Variants in ADCY9 observed in about 807,000 individuals in gnomAD.
ADCY9 encodes adenylate cyclase type 9.
In ADCY9, 50 loss-of-function variants were observed where a neutral mutation model predicts 101.5. That is an observed-to-expected ratio of 0.49 (90% confidence interval 0.39 to 0.62). The LOEUF (loss-of-function observed/expected upper bound fraction) is 0.62. Ranked by LOEUF, ADCY9 falls within the 20% of genes least tolerant of loss-of-function variation. The probability of loss-of-function intolerance (pLI) is 0.00; values close to 1 mark genes in which losing one functional copy is unlikely to be tolerated. For missense variants in ADCY9, 1,662 were observed against 1,800.4 expected (o/e 0.92, Z 1.39); for synonymous variants, 905 against 769.3 (o/e 1.18, Z -2.92).
intron 2 of ADCY9, among the ~76,000 whole-genome samples, chr16:4,042,450 T>A (rs892302932): frequency 1.3e-5 from 2 of 152,188 alleles, no homozygotes; most frequent in African/African-American, 4.8e-5. Context: ...CAAAATGAAT[T>A]CTTAGGATAT....
At chr16:3,974,577 A>G in intron 10 of ADCY9, 92 bp downstream of exon 10, 2 of 1,037,222 alleles carry the variant, frequency 1.9e-6, no homozygotes, top group Non-Finnish European at 3.0e-6. Flanking sequence ...CCTTTTATTC[A>G]AGATCCCATT....
At chr16:4,038,687 A>C (rs1265342624) in intron 2 of ADCY9, among the ~76,000 whole-genome samples, 1 of 151,894 alleles carries the variant, frequency 6.6e-6, no homozygotes, top group Non-Finnish European at 1.5e-5. Context: ...TCATCCTCAC[A>C]ACCCTGTTTC....
intron 2 of ADCY9, among the ~76,000 whole-genome samples, chr16:4,101,207 A>G (rs940781597): frequency 3.9e-5 from 6 of 151,918 alleles, no homozygotes; most frequent in Non-Finnish European, 7.4e-5. Context: ...CAGTCTTCTC[A>G]TCTATAAAAT....
chr16:4,042,947 C>G (rs913844913), intron 2 of ADCY9, among the ~76,000 whole-genome samples: 1 of 152,170 alleles, frequency 6.6e-6, no homozygotes, highest in Non-Finnish European at 1.5e-5. Context: ...AATATTAAAA[C>G]TCGGCCGGGC....
chr16:4,097,453 CAT>C (rs71394653), intron 2 of ADCY9, among the ~76,000 whole-genome samples: 1,290 of 71,050 alleles, frequency 0.018, 45 homozygotes, highest in African/African-American at 0.062. Flanking sequence ...TGTGGAGTTA[CAT>C]ATATATATAT....
intron 2 of ADCY9, among the ~76,000 whole-genome samples, chr16:4,017,362 G>A (rs922445107): frequency 6.7e-6 from 1 of 149,638 alleles, no homozygotes; most frequent in African/African-American, 2.4e-5. Context: ...TAGATAATGT[G>A]GGCCAGGCAT....
chr16:3,992,059 A>G lies in ADCY9; in HGVS notation c.2207+87T>C, dbSNP rs559798686. 6.7e-6 allele frequency: 9 copies of G among 1,346,350 alleles called. No individual in the cohort carries two copies. In the African/African-American group the frequency reaches 1.3e-4, roughly 19 times the overall value. 83.4% of individuals were successfully genotyped at this position (1,346,350 alleles called of 1,614,324 possible). On this transcript the variant is annotated intron_variant, in intron 5 of 10. Coordinates refer to ENST00000294016, the MANE Select transcript of ADCY9 (RefSeq NM_001116.4). This position sits in a 1 kb window ranked among gnomAD's most constrained non-coding sequence, Gnocchi z 4.2. ...GCACTGCAGCCTGGATGACAGAGCG[A>G]GACTCAGTCTTAAAGAAAAGAAAAG...
chr16:3,989,214 T>A, intron 5 of ADCY9, 118 bp from the exon 6 acceptor site: 1 of 710,132 alleles, frequency 1.4e-6, no homozygotes, highest in Non-Finnish European at 2.4e-6. Context: ...CAGCTGCGTC[T>A]AAAAGCGCCT....
chr16:4,066,342 T>A (rs893404717), intron 2 of ADCY9, among the ~76,000 whole-genome samples: 2 of 152,200 alleles, frequency 1.3e-5, no homozygotes, highest in Non-Finnish European at 2.9e-5. Flanking sequence ...TTGAGTATAT[T>A]TACTTTTCTC....
chr16:4,075,606 C>T (rs959400527), intron 2 of ADCY9, among the ~76,000 whole-genome samples: 2 of 152,210 alleles, frequency 1.3e-5, no homozygotes, highest in Admixed American at 6.5e-5. Flanking sequence ...TGAGCGTCTG[C>T]TAAACACCAT....
downstream of ADCY9, among the ~76,000 whole-genome samples, chr16:3,957,943 C>T (rs191829783): frequency 2.3e-3 from 356 of 152,204 alleles, no homozygotes; most frequent in Middle Eastern, 0.02. Context: ...CTAGAGGGCA[C>T]GGATTTTGTT....
chr16:3,973,654 G>A (rs931109456), intron 10 of ADCY9, among the ~76,000 whole-genome samples: 3 of 151,500 alleles, frequency 2.0e-5, no homozygotes, highest in African/African-American at 7.3e-5. Flanking sequence ...ACCATACCTG[G>A]CTAATTTTTA....
chr16:4,098,001 T>C (rs1000849901), intron 2 of ADCY9, among the ~76,000 whole-genome samples: 13 of 152,050 alleles, frequency 8.5e-5, no homozygotes, highest in African/African-American at 3.1e-4. Flanking sequence ...AAACAGATTA[T>C]AAACAAAATT....
intron 3 of ADCY9, among the ~76,000 whole-genome samples, chr16:3,998,366 A>G (rs1287609369): frequency 1.3e-5 from 2 of 152,132 alleles, no homozygotes; most frequent in Admixed American, 1.3e-4. Flanking sequence ...AGCTATGGTC[A>G]TGCCACTGTA....
chr16:3,990,531 G>C (rs903781948), intron 5 of ADCY9, among the ~76,000 whole-genome samples: 2 of 151,476 alleles, frequency 1.3e-5, no homozygotes, highest in African/African-American at 4.9e-5. Flanking sequence ...CCCACACAAA[G>C]TACGGCTCAT....
intron 2 of ADCY9, among the ~76,000 whole-genome samples, chr16:4,100,208 C>T (rs976431967): frequency 1.4e-4 from 22 of 152,108 alleles, no homozygotes; most frequent in Admixed American, 7.2e-4. Flanking sequence ...ATTTAAGATG[C>T]GCCTTGTTTC....
At position 3,979,269 on chromosome 16, in the gene ADCY9, C is replaced by G; in HGVS notation, c.2526G>C (p.Val842=). Residue 842 remains valine, a synonymous_variant, in exon 8 of 11, where the codon GTG becomes GTC. Coordinates refer to ENST00000294016, the MANE Select transcript of ADCY9 (RefSeq NM_001116.4). ...VLSLAVSIRM[V]FFLEDVMACT... ...AGGCCATGACGTCCTCCAGGAAGAA[C>G]ACCATCCTGCGAGAGGCATGGGGGT... 1.2e-6 allele frequency: 2 copies of G among 1,613,764 alleles called. No homozygotes were observed. The highest frequency in any genetic ancestry group is 1.7e-6 in the Non-Finnish European group (2 of 1,179,906).
intron 2 of ADCY9, among the ~76,000 whole-genome samples, chr16:4,021,721 C>T (rs67335251): frequency 0.051 from 7,744 of 152,272 alleles, 259 homozygotes; most frequent in Non-Finnish European, 0.081. Context: ...CAGAAATTCC[C>T]TTATTGCCGA....
At position 3,989,104 on chromosome 16, in the gene ADCY9, A is replaced by T; in HGVS notation, c.2208-8T>A. On this transcript the variant is annotated splice_polypyrimidine_tract_variant and splice_region_variant and intron_variant, in intron 5 of 10. Coordinates refer to ENST00000294016, the MANE Select transcript of ADCY9 (RefSeq NM_001116.4). ...AAGTAATCTTTCATCAGGCTAGAAG[A>T]CACAACAAATGCAGTCGATCAATAC... is the stretch of plus-strand genomic sequence containing the variant. The T allele has an allele frequency of 1.9e-6, 3 of 1,600,104 alleles. No individual in the cohort carries two copies. Among genetic ancestry groups the T allele is most frequent in the Non-Finnish European group, 2.6e-6 (3 of 1,167,340 alleles).
Sources: gnomAD v4.1 joint callset for allele counts (sites outside exome capture counted in the v4.1 genomes callset) on GRCh38, gnomAD v4.1.1 for gene constraint, Gnocchi (gnomAD v3.1) non-coding constraint, MANE v1.5 for transcripts, NCBI Gene and HGNC (gene_info 2026-07-23, HGNC 2026-07-21) for gene names.